Variants in DNAH7 observed in about 807,000 individuals in gnomAD.
DNAH7 encodes the protein axonemal beta dynein heavy chain 7.
Under a neutral mutation model 444.6 loss-of-function variants are expected in DNAH7, and 397 were observed. The observed-to-expected ratio is 0.89, with a 90% confidence interval of 0.82 to 0.97. DNAH7 has a LOEUF of 0.97. Among genes scored for constraint, DNAH7 ranks in the 50% least tolerant of loss-of-function variants. The pLI is 0.00. For missense variants in DNAH7, 4,902 were observed against 4,800.8 expected, an observed-to-expected ratio of 1.02 and a Z score of -0.62; for synonymous variants, 1,636 against 1,624.4, an observed-to-expected ratio of 1.01 and a Z score of -0.17.
chr2:195,889,944 T>C (rs774620307), intron 31 of DNAH7, among the ~76,000 whole-genome samples: 3 of 152,214 alleles, frequency 2.0e-5, no homozygotes, highest in Non-Finnish European at 4.4e-5. Context: ...CAGAATATAG[T>C]AAATGCTCAA....
In DNAH7 at chr2:195,897,802, A is replaced by G. The variant is rs535582442; in HGVS notation, c.4549-37T>C. 8 of 1,258,382 alleles carry G rather than the reference A, an allele frequency of 6.4e-6. No homozygotes were observed. The South Asian group carries it at 1.1e-4, about 17-fold the overall frequency. The allele number at this position is 1,258,382 out of a possible 1,614,324, so 78.0% of individuals were successfully genotyped here. On this transcript the variant is annotated intron_variant, in intron 28 of 64. Coordinates refer to ENST00000312428, the MANE Select transcript of DNAH7 (RefSeq NM_018897.3). ...AAAAAAAACTCATGAGGATATCTGC[A>G]TCTCCTAACAGCACCTACCCGCTTC...
chr2:196,023,703 C>T (rs1451970638), intron 8 of DNAH7, among the ~76,000 whole-genome samples: 3 of 152,206 alleles, frequency 2.0e-5, no homozygotes, highest in Non-Finnish European at 4.4e-5. Context: ...AATGGAATAG[C>T]ACTTTTAATT....
At chr2:195,768,158 G>GTA (rs1694671568) in intron 61 of DNAH7, among the ~76,000 whole-genome samples, 1 of 147,116 alleles carries the variant, frequency 6.8e-6, no homozygotes, top group Non-Finnish European at 1.5e-5. Context: ...TTATATATGG[G>GTA]TATATATATT....
chr2:196,057,093 T>C (rs988139400), intron 2 of DNAH7, among the ~76,000 whole-genome samples: 3 of 152,188 alleles, frequency 2.0e-5, no homozygotes, highest in Admixed American at 2.0e-4. Flanking sequence ...GAAGAACTTA[T>C]AGCCAGGAAC....
chr2:195,858,356 C>A, intron 43 of DNAH7, 118 bp downstream of exon 43: 1 of 858,090 alleles, frequency 1.2e-6, no homozygotes, highest in Non-Finnish European at 1.6e-6. Context: ...AAAATGATTT[C>A]AGCTTCATTA....
At position 195,875,809 on chromosome 2, in the gene DNAH7, C is replaced by T. The variant is rs779743238; in HGVS notation, c.6152G>A (p.Arg2051Gln). The stretch of plus-strand genomic sequence containing the variant: ...GGGAGGTTGAGCCCCATATACCTCC[C>T]GAGCAGGCATATTGACATCATCTAC... ...VFVDDVNMPAREVYGAQPPIE... is the reference protein window; with the variant it reads ...VFVDDVNMPAQEVYGAQPPIE... Residue 2051 changes from arginine to glutamine, a missense_variant, in exon 38 of 65, where the codon CGG (arginine) becomes CAG (glutamine). Transcript: ENST00000312428. 4.3e-6 allele frequency: 7 copies of T among 1,610,424 alleles called. No individual in the cohort carries two copies. The highest frequency in any genetic ancestry group is 2.7e-5 in the African/African-American group (2 of 74,712).
intron 8 of DNAH7, among the ~76,000 whole-genome samples, chr2:196,020,018 A>G (rs1357379788): frequency 6.8e-6 from 1 of 146,612 alleles, no homozygotes; most frequent in African/African-American, 2.5e-5. Flanking sequence ...TACCACCACC[A>G]TGTAAAGATT....
chr2:195,954,700 A>G (rs1278927636), intron 19 of DNAH7, among the ~76,000 whole-genome samples: 13 of 152,090 alleles, frequency 8.5e-5, no homozygotes, highest in Non-Finnish European at 1.8e-4. Context: ...TTGTTTCCTG[A>G]CTTTTTAATG....
chr2:195,876,849 A>G, intron 36 of DNAH7, 150 bp from the exon 37 acceptor site: 1 of 604,972 alleles, frequency 1.7e-6, no homozygotes, highest in Non-Finnish European at 2.8e-6. Flanking sequence ...AATAACAGTT[A>G]CCATGCCAAT....
chr2:195,856,235 T>C (rs907987256), intron 44 of DNAH7, among the ~76,000 whole-genome samples: 5 of 152,334 alleles, frequency 3.3e-5, no homozygotes, highest in Non-Finnish European at 4.4e-5. Flanking sequence ...AGTATGAATT[T>C]TGATAACTTT....
chr2:195,841,408 C>T (rs1196271389), intron 47 of DNAH7, among the ~76,000 whole-genome samples: 1 of 151,834 alleles, frequency 6.6e-6, no homozygotes, highest in Non-Finnish European at 1.5e-5. Flanking sequence ...TATCCAAAGA[C>T]AGGATGTTTG....
At chr2:195,767,046 A>G (rs1248272824) in intron 61 of DNAH7, among the ~76,000 whole-genome samples, 1 of 151,872 alleles carries the variant, frequency 6.6e-6, no homozygotes, top group African/African-American at 2.4e-5. Context: ...CTATTTCATT[A>G]ATTTGTCTTT....
intron 58 of DNAH7, among the ~76,000 whole-genome samples, chr2:195,783,138 AG>A (rs2105965629): frequency 6.6e-6 from 1 of 152,320 alleles, no homozygotes; most frequent in East Asian, 1.9e-4. Flanking sequence ...ACATCAACCA[AG>A]GCTTCTCCCT....
rs1692711002 is a variant in DNAH7, at chr2:195,737,703, T to C, written c.*218A>G. 4.5e-6 allele frequency: 2 copies of C among 447,174 alleles called. No individual in the cohort carries two copies. Among genetic ancestry groups the C allele is most frequent in the Non-Finnish European group, 4.0e-6 (1 of 248,320 alleles). The allele number at this position is 447,174 out of a possible 1,614,324, so 27.7% of individuals were successfully genotyped here. Reference sequence around the variant, plus strand: ...TAAAGTTACTCAAAGAGAGCAAATATGCCAGTGTGTTTTCTTTAGTCTTTA... The same window carrying C: ...TAAAGTTACTCAAAGAGAGCAAATACGCCAGTGTGTTTTCTTTAGTCTTTA... On this transcript the variant is annotated 3_prime_UTR_variant, in exon 65 of 65. Transcript: ENST00000312428.
intron 51 of DNAH7, among the ~76,000 whole-genome samples, chr2:195,812,101 CAGTCCCCACCCA>C (rs1696998771): frequency 6.6e-6 from 1 of 152,176 alleles, no homozygotes; most frequent in Admixed American, 6.5e-5. Flanking sequence ...ACTCCTCTGG[CAGTCCCCACCCA>C]GAAGCAGACT....
At chr2:195,888,717 T>G in intron 32 of DNAH7, 82 bp downstream of exon 32, 1 of 1,389,888 alleles carries the variant, frequency 7.2e-7, no homozygotes, top group Non-Finnish European at 9.7e-7. Context: ...ATATTTTTTG[T>G]TTAAAGTCAA....
At chr2:195,952,256 G>A (rs1479121462) in intron 19 of DNAH7, among the ~76,000 whole-genome samples, 1 of 152,088 alleles carries the variant, frequency 6.6e-6, no homozygotes, top group East Asian at 1.9e-4. Flanking sequence ...TTGAATATTG[G>A]CCCCTACTCT....
rs748356968 is a variant in DNAH7 at position 195,923,794 on chromosome 2, T to C, written c.3626A>G (p.Tyr1209Cys). The change falls in exon 23 of 65, where the codon TAC becomes TGC. Residue 1209 changes from tyrosine to cysteine, a missense_variant. By Grantham distance (194) the Tyr-to-Cys change is radical. Coordinates refer to ENST00000312428, the MANE Select transcript of DNAH7 (RefSeq NM_018897.3). ...IPMGIKALEQYLKTCNRQIDD... is the reference protein window; with the variant it reads ...IPMGIKALEQCLKTCNRQIDD... ...AATTTGTCTGTTACATGTTTTCAAG[T>C]ATTGCTCAAGAGCCTGAAAGAAAAG... The C allele has an allele frequency of 6.2e-7, 1 of 1,614,088 alleles. No individual in the cohort carries two copies. Among genetic ancestry groups the C allele is most frequent in the Non-Finnish European group, 8.5e-7 (1 of 1,179,966 alleles).
chr2:195,860,304 C>A (rs1699945359), intron 42 of DNAH7, among the ~76,000 whole-genome samples: 1 of 151,898 alleles, frequency 6.6e-6, no homozygotes, highest in Non-Finnish European at 1.5e-5. Context: ...TGAGTGATAT[C>A]CAAAATTTAA....
Sources: gnomAD v4.1 joint callset for allele counts (sites outside exome capture counted in the v4.1 genomes callset) on GRCh38, gnomAD v4.1.1 for gene constraint, MANE v1.5 for transcripts, NCBI Gene and HGNC (gene_info 2026-07-23, HGNC 2026-07-21) for gene names.